Variants in DENND1B observed in about 807,000 individuals in gnomAD.
DENND1B encodes DENN domain containing 1B, also known as DENN domain-containing protein 1B.
A neutral mutation model predicts 90.1 loss-of-function variants in DENND1B; 59 were observed. The observed-to-expected ratio is 0.65, with a 90% CI of 0.53 to 0.81. The LOEUF is 0.81. DENND1B is among the 40% of genes least tolerant of loss of function. DENND1B has a pLI of 0.00. For missense variants in DENND1B, 862 were observed against 912.6 expected (o/e 0.94, Z 0.71); for synonymous variants, 337 against 324.6 (o/e 1.04, Z -0.41).
chr1:197,664,537 T>A (rs1654747207), intron 5 of DENND1B, among the ~76,000 whole-genome samples: 1 of 152,052 alleles, frequency 6.6e-6, no homozygotes, highest in African/African-American at 2.4e-5. Context: ...GTAAGAAGAC[T>A]TCCCCCACAC....
chr1:197,540,063 T>C lies in DENND1B; in HGVS notation c.1416A>G (p.Glu472=). Reference sequence around the variant, plus strand: ...AACTAGAACAGGTCCCATAATCTTCTTCATTTTCCTACACATGAAAAAATA... The same window carrying C: ...AACTAGAACAGGTCCCATAATCTTCCTCATTTTCCTACACATGAAAAAATA... ...VKSKLKHKEN[E]EDYGTCSSSV... The change falls in exon 20 of 23, where the codon GAA becomes GAG. Residue 472 remains glutamate (E), a synonymous_variant. Coordinates refer to ENST00000620048, the MANE Select transcript of DENND1B (RefSeq NM_001195215.2). The C allele has an allele frequency of 6.2e-7, 1 of 1,603,958 alleles. No homozygotes were observed. Among genetic ancestry groups the C allele is most frequent in the Non-Finnish European group, 8.5e-7 (1 of 1,174,990 alleles).
intron 10 of DENND1B, among the ~76,000 whole-genome samples, chr1:197,626,074 G>A (rs1025598271): frequency 2.0e-5 from 3 of 151,998 alleles, no homozygotes; most frequent in African/African-American, 7.2e-5. Flanking sequence ...ATAATAATGG[G>A]AGACTTTAAC....
chr1:197,566,779 T>C (rs1672708290), intron 15 of DENND1B, among the ~76,000 whole-genome samples: 1 of 151,850 alleles, frequency 6.6e-6, no homozygotes, highest in Non-Finnish European at 1.5e-5. Flanking sequence ...GAAGGGAAAT[T>C]CATAGAAGTA....
chr1:197,631,852 C>T (rs1480387207), intron 10 of DENND1B, among the ~76,000 whole-genome samples: 3 of 151,934 alleles, frequency 2.0e-5, no homozygotes, highest in African/African-American at 4.8e-5. Context: ...TATGCATACA[C>T]ATAATTATAA....
chr1:197,715,559 A>T (rs1660562669), intron 2 of DENND1B, among the ~76,000 whole-genome samples: 1 of 151,872 alleles, frequency 6.6e-6, no homozygotes, highest in South Asian at 2.1e-4. Context: ...AAAAACTGTA[A>T]TAATATTTGC....
In DENND1B at chr1:197,507,779, A is replaced by C. The variant is rs1366303197; in HGVS notation, c.*2681T>G. 1 of 151,568 alleles carries C rather than the reference A, an allele frequency of 6.6e-6. No homozygotes were observed. 9.4% of individuals were successfully genotyped at this position (151,568 alleles called of 1,614,324 possible). Reference sequence around the variant, plus strand: ...ACTCACCCAGTTTAATTTCATTCTCACTATAACCACCATAATACTAGGAAG... The same window carrying C: ...ACTCACCCAGTTTAATTTCATTCTCCCTATAACCACCATAATACTAGGAAG... On this transcript the variant is annotated 3_prime_UTR_variant, in exon 23 of 23. Coordinates refer to ENST00000620048, the MANE Select transcript of DENND1B (RefSeq NM_001195215.2).
At chr1:197,674,091 A>G in intron 4 of DENND1B, 29 bp downstream of exon 4, 1 of 1,496,440 alleles carries the variant, frequency 6.7e-7, no homozygotes. Flanking sequence ...AAGAATCTAC[A>G]TTTATTTTAA....
intron 6 of DENND1B, among the ~76,000 whole-genome samples, chr1:197,657,852 C>A (rs949574239): frequency 2.0e-5 from 3 of 152,092 alleles, no homozygotes; most frequent in Non-Finnish European, 4.4e-5. Context: ...AGGAAGCACC[C>A]CCAGTGTCCA....
intron 16 of DENND1B, among the ~76,000 whole-genome samples, chr1:197,550,425 C>T (rs1671131624): frequency 6.6e-6 from 1 of 151,926 alleles, no homozygotes; most frequent in South Asian, 2.1e-4. Context: ...ATGAAAGTAC[C>T]TCCTTTGCTG....
chr1:197,748,992 AT>A, intron 2 of DENND1B, among the ~76,000 whole-genome samples: 1 of 152,332 alleles, frequency 6.6e-6, no homozygotes, highest in East Asian at 1.9e-4. Flanking sequence ...AAAATACATT[AT>A]TTGAGACAAA....
intron 20 of DENND1B, among the ~76,000 whole-genome samples, chr1:197,531,131 G>A (rs1209484492): frequency 6.6e-6 from 1 of 152,186 alleles, no homozygotes; most frequent in Non-Finnish European, 1.5e-5. Flanking sequence ...TTCTTGCCCT[G>A]ACTGGATTGT....
rs377606761 is a variant in DENND1B, at chr1:197,553,095, C to T, written c.1167G>A (p.Leu389=). Residue 389 remains leucine (L), a synonymous_variant, in exon 16 of 23, where the codon CTG becomes CTA. Coordinates refer to ENST00000620048, the MANE Select transcript of DENND1B (RefSeq NM_001195215.2). Reference sequence around the variant, plus strand: ...AACCCCTTCCTGCATTTAGTTTTGCCAGTCGACCATCGATAAACTAGAATT... The same window carrying T: ...AACCCCTTCCTGCATTTAGTTTTGCTAGTCGACCATCGATAAACTAGAATT... ...QLFKQFIDGR[L]AKLNAGRGFS... The T allele has an allele frequency of 1.4e-4, 210 of 1,531,002 alleles. 1 individual carries two copies. Among genetic ancestry groups the T allele is most frequent in the Non-Finnish European group, 1.6e-4 (188 of 1,146,336 alleles). The allele number at this position is 1,531,002 out of a possible 1,614,324, so 94.8% of individuals were successfully genotyped here. A position where few individuals can be genotyped will look rare whatever the true frequency, so the allele number is the denominator to read the frequency against.
At chr1:197,519,147 G>C (rs986000693) in intron 20 of DENND1B, among the ~76,000 whole-genome samples, 1 of 151,904 alleles carries the variant, frequency 6.6e-6, no homozygotes, top group Admixed American at 6.6e-5. Context: ...CAGTACTCGA[G>C]TGTTTCTCTT....
intron 3 of DENND1B, among the ~76,000 whole-genome samples, chr1:197,683,927 A>C (rs1199591929): frequency 1.3e-5 from 2 of 152,222 alleles, no homozygotes; most frequent in Non-Finnish European, 2.9e-5. Flanking sequence ...TGGAAAGATC[A>C]GTTGGAACAA....
intron 2 of DENND1B, chr1:197,734,207 A>T: frequency 2.3e-6 from 2 of 876,832 alleles, no homozygotes; most frequent in African/African-American, 1.8e-5. Context: ...ATAACTGATT[A>T]AAACTTAGAA....
At chr1:197,643,228 C>T (rs1035076737) in intron 9 of DENND1B, among the ~76,000 whole-genome samples, 1 of 151,616 alleles carries the variant, frequency 6.6e-6, no homozygotes, top group Non-Finnish European at 1.5e-5. Context: ...GATCTTGGCT[C>T]ATTGCAACCT....
chr1:197,660,289 C>T (rs1654279511), intron 5 of DENND1B, among the ~76,000 whole-genome samples: 1 of 151,892 alleles, frequency 6.6e-6, no homozygotes, highest in Non-Finnish European at 1.5e-5. Flanking sequence ...ACCTATGTAA[C>T]AAACCTGCAT....
intron 6 of DENND1B, among the ~76,000 whole-genome samples, chr1:197,655,312 C>A (rs1200708157): frequency 6.6e-6 from 1 of 152,122 alleles, no homozygotes; most frequent in African/African-American, 2.4e-5. Flanking sequence ...TTATTCTACA[C>A]CTTTTGACTC....
chr1:197,556,351 A>G (rs76417228), intron 15 of DENND1B, among the ~76,000 whole-genome samples: 525 of 152,164 alleles, frequency 3.5e-3, no homozygotes, highest in African/African-American at 8.5e-3. Context: ...CTCTGAGTCT[A>G]AAATAATGAA....
Sources: allele counts gnomAD v4.1 joint callset (sites outside exome capture counted in the v4.1 genomes callset), GRCh38; gene constraint gnomAD v4.1.1; transcripts MANE v1.5; gene names NCBI Gene and HGNC (gene_info 2026-07-23, HGNC 2026-07-21).